The following ABCA9 variants were observed in gnomAD, a reference collection of about 807,000 sequenced individuals.
ABCA9 encodes ATP-binding cassette sub-family A member 9.
In ABCA9, 183 loss-of-function variants were observed where a neutral mutation model predicts 205.3. The observed-to-expected ratio is 0.89, with a 90% CI of 0.79 to 1.01. The LOEUF (loss-of-function observed/expected upper bound fraction) is 1.01, where lower values mean the gene tolerates loss of function less well. ABCA9 is among the 50% of genes least tolerant of loss of function. The pLI is 0.00. For synonymous variants in ABCA9, 651 were observed against 683.3 expected (o/e 0.95, Z 0.74); for missense variants, 1,805 against 1,912.4 (o/e 0.94, Z 1.05).
chr17:69,013,698 A>G (rs1194417549), intron 22 of ABCA9, among the ~76,000 whole-genome samples: 1 of 150,996 alleles, frequency 6.6e-6, no homozygotes, highest in Non-Finnish European at 1.5e-5. Context: ...AAGACACTGG[A>G]TGCCTCCTGG....
chr17:69,014,143 T>G (rs2070489371), intron 22 of ABCA9, among the ~76,000 whole-genome samples: 1 of 152,144 alleles, frequency 6.6e-6, no homozygotes. Context: ...AGCTGTCTAA[T>G]AATAACACAA....
rs1269346974 is a variant in ABCA9 at position 68,989,571 on chromosome 17, G to C, written c.3955+242C>G. Among the ~76,000 whole-genome samples, 3 of 152,156 alleles carry C rather than the reference G, an allele frequency of 2.0e-5. No homozygotes were observed. In the East Asian group the frequency reaches 5.8e-4, roughly 29 times the overall value. ...AAAAACTATACCATCCTTCTTAACA[G>C]AAAGACCGCCTCTTTTCATTGTTGT... On this transcript the variant is annotated intron_variant, in intron 30 of 38. Transcript: ENST00000340001.
chr17:69,021,678 GTCCT>G lies in ABCA9; in HGVS notation c.2401+60_2401+63del, dbSNP rs113625589. ...CACACAAAGATAAAATCTTTCTTTCGTCCTTCCTTCCTTCCTTCCTTTCTTTCTT... is the reference window on the plus strand; with the variant it reads ...CACACAAAGATAAAATCTTTCTTTCGTCCTTCCTTCCTTCCTTTCTTTCTT... On this transcript the variant is annotated intron_variant, in intron 18 of 38. Transcript: ENST00000340001. The G allele has an allele frequency of 0.015, 15,278 of 1,047,906 alleles. 1,307 individuals are homozygous for G. The African/African-American group carries it at 0.21, about 14-fold the overall frequency. 64.9% of individuals were successfully genotyped at this position (1,047,906 alleles called of 1,614,324 possible). A position where few individuals can be genotyped will look rare whatever the true frequency, so the allele number is the denominator to read the frequency against.
At chr17:69,039,158 A>G (rs574486766) in intron 6 of ABCA9, among the ~76,000 whole-genome samples, 9 of 152,240 alleles carry the variant, frequency 5.9e-5, no homozygotes, top group Non-Finnish European at 7.3e-5. Flanking sequence ...TTATAGATTC[A>G]ATGCTATTCC....
chr17:69,021,034 C>CTGTT (rs1297420054), intron 18 of ABCA9, among the ~76,000 whole-genome samples: 2 of 151,924 alleles, frequency 1.3e-5, no homozygotes, highest in African/African-American at 2.4e-5. Flanking sequence ...TAAAAGTTAC[C>CTGTT]TGTTTTGAGG....
chr17:69,017,900 G>T, intron 20 of ABCA9, 111 bp from the exon 21 acceptor site: 1 of 1,246,788 alleles, frequency 8.0e-7, no homozygotes, highest in Non-Finnish European at 1.1e-6. Context: ...GACTGTCTAA[G>T]GCTTTTCTTA....
intron 30 of ABCA9, 159 bp from the exon 31 acceptor site, chr17:68,989,277 C>CAT: frequency 1.9e-6 from 1 of 517,302 alleles, no homozygotes; most frequent in Non-Finnish European, 3.5e-6. Flanking sequence ...CACACACACA[C>CAT]ACACACACAC....
chr17:69,021,870 G>A lies in ABCA9; in HGVS notation c.2282-9C>T. The A allele has an allele frequency of 1.1e-5, 16 of 1,418,758 alleles. No individual in the cohort carries two copies. Among genetic ancestry groups the A allele is most frequent in the Middle Eastern group, 3.7e-4 (2 of 5,420 alleles). 87.9% of individuals were successfully genotyped at this position (1,418,758 alleles called of 1,614,324 possible). A position where few individuals can be genotyped will look rare whatever the true frequency, so the allele number is the denominator to read the frequency against. On this transcript the variant is annotated splice_polypyrimidine_tract_variant and intron_variant, in intron 17 of 38. Coordinates refer to ENST00000340001, the MANE Select transcript of ABCA9 (RefSeq NM_080283.4). The stretch of plus-strand genomic sequence containing the variant: ...AAGATCCCTGTAAAGTTCTAAAAGT[G>A]GATACAAAAACAGATTATAAGAATA...
chr17:69,045,234 T>C lies in ABCA9; in HGVS notation c.407A>G (p.Tyr136Cys). ...ATGTCCCCAAGAAAACTTCAAATGG[T>C]AGGAGAAGGTATCAGTAAAGATGAC... The part of the protein sequence containing the change: ...VRVIFTDTFS[Y>C]HLKFSWGHRI... The change falls in exon 4 of 39, where the codon TAC becomes TGC. Residue 136 changes from tyrosine to cysteine, a missense_variant. Coordinates refer to ENST00000340001, the MANE Select transcript of ABCA9 (RefSeq NM_080283.4). 6.2e-7 allele frequency: 1 copy of C among 1,613,264 alleles called. No individual in the cohort carries two copies. Among genetic ancestry groups the C allele is most frequent in the African/African-American group, 1.3e-5 (1 of 74,886 alleles).
intron 25 of ABCA9, among the ~76,000 whole-genome samples, chr17:69,006,970 G>A (rs1423911220): frequency 6.6e-6 from 1 of 152,188 alleles, no homozygotes; most frequent in Non-Finnish European, 1.5e-5. Context: ...GTGAAGTTGG[G>A]ACACATCAGG....
At chr17:69,059,023 T>C (rs1471398038) in intron 1 of ABCA9, among the ~76,000 whole-genome samples, 2 of 151,902 alleles carry the variant, frequency 1.3e-5, no homozygotes, top group East Asian at 1.9e-4. Flanking sequence ...TATAAAACCA[T>C]CAGATCTCGT....
rs148763506 is a variant in ABCA9, at chr17:69,044,498, T to C, written c.572A>G (p.Glu191Gly). Residue 191 changes from glutamate (E) to glycine (G), a missense_variant and splice_region_variant, in exon 5 of 39, where the codon GAA becomes GGA. By Grantham distance (98) the Glu-to-Gly change is moderately conservative (BLOSUM62 -2). Coordinates refer to ENST00000340001, the MANE Select transcript of ABCA9 (RefSeq NM_080283.4). ...FQAAINAAII[E>G]IATNHSVMEQ... ...AGATTCCTTTAACTTTATACTCACTTCTATGATAGCAGCATTAATGGCAGC... is the reference window on the plus strand; with the variant it reads ...AGATTCCTTTAACTTTATACTCACTCCTATGATAGCAGCATTAATGGCAGC... 6.2e-7 allele frequency: 1 copy of C among 1,612,412 alleles called. No homozygotes were observed. The highest frequency in any genetic ancestry group is 8.5e-7 in the Non-Finnish European group (1 of 1,179,002).
Position 69,016,474 on chromosome 17 carries a change from G to A in ABCA9, c.2902-84C>T, listed in dbSNP as rs549273571. 7.2e-6 allele frequency: 9 copies of A among 1,254,200 alleles called. No individual in the cohort carries two copies. In the African/African-American group the frequency reaches 1.4e-4, roughly 19 times the overall value. The allele number at this position is 1,254,200 out of a possible 1,614,324, so 77.7% of individuals were successfully genotyped here. A position where few individuals can be genotyped will look rare whatever the true frequency, so the allele number is the denominator to read the frequency against. ...GTGAACATGTTAGAAAATCATTCAA[G>A]TTACTGATAATATAATAAGTCCCAA... On this transcript the variant is annotated intron_variant, in intron 21 of 38. Coordinates refer to ENST00000340001, the MANE Select transcript of ABCA9 (RefSeq NM_080283.4).
At chr17:69,062,624 C>T (rs968610060), upstream of ABCA9, among the ~76,000 whole-genome samples, 3 of 152,104 alleles carry the variant, frequency 2.0e-5, no homozygotes, top group Non-Finnish European at 4.4e-5. Flanking sequence ...GATTCTCCTG[C>T]CTCAGCCTCC....
At chr17:69,068,783 T>C in the ABCA9 span, among the ~76,000 whole-genome samples, 4 of 152,152 alleles carry the variant, frequency 2.6e-5, no homozygotes, top group Non-Finnish European at 5.9e-5. Flanking sequence ...AATATATTAG[T>C]GAACTAAATA....
intron 37 of ABCA9, among the ~76,000 whole-genome samples, chr17:68,981,788 T>C (rs1460832766): frequency 1.5e-5 from 2 of 132,600 alleles, no homozygotes; most frequent in African/African-American, 5.8e-5. Flanking sequence ...ATTGTGCCAC[T>C]GCACCACTCC....
At position 69,018,438 on chromosome 17, in the gene ABCA9, G is replaced by A. The variant is rs773314386; in HGVS notation, c.2742C>T (p.Thr914=). 18 of 1,597,792 alleles carry A rather than the reference G, an allele frequency of 1.1e-5. No homozygotes were observed. The highest frequency in any genetic ancestry group is 1.4e-5 in the Non-Finnish European group (17 of 1,174,908). ...SPGQQPQDPL[T]HLLVINKTGS... ...CTGTCTTATTGATGACCAGTAAATG[G>A]GTCAGAGGATCCTGTGGTTGTTGTC... The change falls in exon 20 of 39, where the codon ACC becomes ACT. Residue 914 remains threonine (T), a synonymous_variant. Coordinates refer to ENST00000340001, the MANE Select transcript of ABCA9 (RefSeq NM_080283.4).
intron 10 of ABCA9, among the ~76,000 whole-genome samples, chr17:69,030,369 C>T (rs2071117140): frequency 6.6e-6 from 1 of 152,178 alleles, no homozygotes; most frequent in Admixed American, 6.6e-5. Flanking sequence ...AGTGCAAGCT[C>T]TCTTGTGCCT....
At chr17:68,992,809 G>A in intron 27 of ABCA9, 1 of 408,460 alleles carries the variant, frequency 2.4e-6, no homozygotes, top group Admixed American at 4.4e-5. Flanking sequence ...GTGAAACTCT[G>A]TCTCAAAAAA....
Sources: allele counts gnomAD v4.1 joint callset (sites outside exome capture counted in the v4.1 genomes callset), GRCh38; gene constraint gnomAD v4.1.1; transcripts MANE v1.5; gene names NCBI Gene and HGNC (gene_info 2026-07-23, HGNC 2026-07-21).